The following MYBPC2 variants were observed in gnomAD, a reference collection of about 807,000 sequenced individuals.
MYBPC2 encodes the protein myosin-binding protein C, fast-type.
Under a neutral mutation model 137.0 loss-of-function variants are expected in MYBPC2, and 122 were observed. The ratio of observed to expected loss-of-function variants is 0.89; its 90% confidence interval spans 0.77 to 1.03. The LOEUF (loss-of-function observed/expected upper bound fraction) is 1.03, where lower values mean the gene tolerates loss of function less well. Ranked by LOEUF, MYBPC2 falls within the 50% of genes least tolerant of loss-of-function variation. The pLI is 0.00. For missense variants in MYBPC2, 1,500 were observed against 1,534.4 expected, an observed-to-expected ratio of 0.98 and a Z score of 0.37; for synonymous variants, 626 against 612.3, an observed-to-expected ratio of 1.02 and a Z score of -0.33.
chr19:50,456,396 C>CCTT (rs1239437859), intron 20 of MYBPC2, among the ~76,000 whole-genome samples: 1 of 148,316 alleles, frequency 6.7e-6, no homozygotes, highest in Non-Finnish European at 1.5e-5. Context: ...ATCCATCCAT[C>CCTT]CATCCATCTG....
At position 50,460,214 on chromosome 19, in the gene MYBPC2, G is replaced by A. The variant is rs1349841710; in HGVS notation, c.2931+35G>A. 14 of 1,577,898 alleles carry A rather than the reference G, an allele frequency of 8.9e-6. No homozygotes were observed. The Admixed American group carries it at 1.1e-4, about 12-fold the overall frequency. ...CAGAGGGGGAGATGGGGAAGAGCCGGTGAGGTGGGCAGAGCAGGTGCAGAT... is the reference window on the plus strand; with the variant it reads ...CAGAGGGGGAGATGGGGAAGAGCCGATGAGGTGGGCAGAGCAGGTGCAGAT... On this transcript the variant is annotated intron_variant, in intron 24 of 27. Coordinates refer to ENST00000357701, the MANE Select transcript of MYBPC2 (RefSeq NM_004533.4).
chr19:50,440,844 T>A (rs773808800), intron 7 of MYBPC2, 36 bp from the exon 8 acceptor site: 1 of 1,580,850 alleles, frequency 6.3e-7, no homozygotes, highest in African/African-American at 1.4e-5. Flanking sequence ...CCTTCCTCAC[T>A]CCCTGATGGC....
intron 20 of MYBPC2, among the ~76,000 whole-genome samples, chr19:50,458,245 G>A (rs1467149283): frequency 3.3e-5 from 5 of 150,142 alleles, no homozygotes; most frequent in African/African-American, 1.2e-4. Flanking sequence ...GGGAGGCGGA[G>A]GTTGCAGTGA....
At chr19:50,436,539 C>G in intron 4 of MYBPC2, 78 bp from the exon 5 acceptor site, 1 of 1,289,030 alleles carries the variant, frequency 7.8e-7, no homozygotes, top group South Asian at 1.3e-5. Context: ...GGAGATAGAG[C>G]TATGAGTGGA....
rs557779977 is a variant in MYBPC2 at position 50,435,876 on chromosome 19, G to A, written c.196+14G>A. The A allele has an allele frequency of 5.5e-5, 86 of 1,572,506 alleles. No homozygotes were observed. The highest frequency in any genetic ancestry group is 9.5e-5 in the African/African-American group (7 of 74,026). On this transcript the variant is annotated intron_variant, in intron 3 of 27. Transcript: ENST00000357701. This position sits in a 1 kb window ranked among gnomAD's most constrained non-coding sequence, Gnocchi z 4.8. ...CAGTGGAGACTGGTGAGGGGAACCC[G>A]GGGGAGGAGGGGCTGCGGCCCGGAC... is the stretch of plus-strand genomic sequence containing the variant.
chr19:50,453,614 C>T (rs1221505397), intron 16 of MYBPC2, among the ~76,000 whole-genome samples: 1 of 151,790 alleles, frequency 6.6e-6, no homozygotes, highest in Non-Finnish European at 1.5e-5. Context: ...TATCTTGGCT[C>T]ACCACAACCT....
chr19:50,461,313 G>A (rs1254379069), intron 24 of MYBPC2, among the ~76,000 whole-genome samples: 1 of 152,120 alleles, frequency 6.6e-6, no homozygotes, highest in East Asian at 1.9e-4. Flanking sequence ...CCCCTTCTTA[G>A]CGTTGAATGA....
chr19:50,435,834 G>A lies in MYBPC2; in HGVS notation c.168G>A (p.Lys56=), dbSNP rs2039697456. The A allele has an allele frequency of 5.6e-6, 9 of 1,606,848 alleles. No individual in the cohort carries two copies. In the East Asian group the frequency reaches 2.0e-4, roughly 36 times the overall value. Residue 56 remains lysine (K), a synonymous_variant, in exon 3 of 28, where the codon AAG becomes AAA. Transcript: ENST00000357701. This position sits in a 1 kb window ranked among gnomAD's most constrained non-coding sequence, Gnocchi z 4.8. ...AGGAGCCCACCGGCGTTTTCCTGAAGAAGCCGGACTCCGTCTCAGTGGAGA... is the reference window on the plus strand; with the variant it reads ...AGGAGCCCACCGGCGTTTTCCTGAAAAAGCCGGACTCCGTCTCAGTGGAGA... ...TAEEPTGVFL[K]KPDSVSVETG... is the part of the protein sequence containing the mutation.
At chr19:50,441,295 G>A (rs1480173501) in intron 8 of MYBPC2, among the ~76,000 whole-genome samples, 4 of 152,216 alleles carry the variant, frequency 2.6e-5, no homozygotes, top group East Asian at 1.9e-4. Flanking sequence ...GCCCACCAGT[G>A]TGCCATGTCA....
intron 11 of MYBPC2, among the ~76,000 whole-genome samples, chr19:50,444,697 G>A (rs1182268770): frequency 2.0e-5 from 3 of 151,654 alleles, no homozygotes; most frequent in Admixed American, 6.6e-5. Context: ...TGGCTAACAC[G>A]GTGAAACCCC....
chr19:50,450,728 G>T (rs1433402253), intron 13 of MYBPC2, 101 bp from the exon 14 acceptor site: 2 of 761,718 alleles, frequency 2.6e-6, no homozygotes, highest in South Asian at 1.8e-5. Flanking sequence ...AAGAATGCAG[G>T]CATGTGGACT....
chr19:50,461,002 TA>T (rs199819698), intron 24 of MYBPC2, among the ~76,000 whole-genome samples: 7 of 147,494 alleles, frequency 4.7e-5, no homozygotes, highest in East Asian at 2.0e-4. Flanking sequence ...TTATTTCTTT[TA>T]AATTTTTTTT....
chr19:50,458,002 C>T (rs746484324), intron 20 of MYBPC2, among the ~76,000 whole-genome samples: 5 of 151,472 alleles, frequency 3.3e-5, no homozygotes, highest in Non-Finnish European at 5.9e-5. Context: ...GGTTTCCCAT[C>T]CTTAACATGG....
intron 12 of MYBPC2, among the ~76,000 whole-genome samples, chr19:50,447,762 C>T (rs1195791626): frequency 6.6e-6 from 1 of 152,064 alleles, no homozygotes; most frequent in Non-Finnish European, 1.5e-5. Flanking sequence ...GAGGCTGAGG[C>T]AGGAGTATCA....
chr19:50,446,343 T>G (rs2039805771), intron 12 of MYBPC2, among the ~76,000 whole-genome samples: 1 of 151,066 alleles, frequency 6.6e-6, no homozygotes, highest in Admixed American at 6.6e-5. Flanking sequence ...AAACCCCATC[T>G]CTACTAAAAA....
intron 26 of MYBPC2, 77 bp from the exon 27 acceptor site, chr19:50,464,269 G>T (rs2039994796): frequency 7.3e-7 from 1 of 1,371,636 alleles, no homozygotes; most frequent in Non-Finnish European, 9.9e-7. Flanking sequence ...ACCCAGATCG[G>T]CTTCCTGAGC....
chr19:50,464,358 T>C lies in MYBPC2; in HGVS notation c.3241T>C (p.Trp1081Arg), dbSNP rs1408784986. Residue 1081 changes from tryptophan to arginine, a missense_variant, in exon 27 of 28, where the codon TGG becomes CGG. Coordinates refer to ENST00000357701, the MANE Select transcript of MYBPC2 (RefSeq NM_004533.4). ...VRGHPKPKVV[W>R]MKNKMEIRED... ...TGACTCTCAACAGCCGAAGGTGGTC[T>C]GGATGAAGAACAAGATGGAAATCCG... 6.2e-7 allele frequency: 1 copy of C among 1,607,204 alleles called. No individual in the cohort carries two copies. Among genetic ancestry groups the C allele is most frequent in the Admixed American group, 1.7e-5 (1 of 58,970 alleles).
At chr19:50,462,531 A>G (rs570877032) in intron 26 of MYBPC2, among the ~76,000 whole-genome samples, 1 of 151,846 alleles carries the variant, frequency 6.6e-6, no homozygotes, top group Admixed American at 6.6e-5. Context: ...CTCTGACCAG[A>G]GCCCAAGTCT....
intron 11 of MYBPC2, 50 bp downstream of exon 11, chr19:50,443,866 T>C (rs1475854515): frequency 6.5e-7 from 1 of 1,543,262 alleles, no homozygotes; most frequent in Admixed American, 1.7e-5. Context: ...ATAGTTTCTT[T>C]GCCTCTGCCT....
Sources: allele counts gnomAD v4.1 joint callset (sites outside exome capture counted in the v4.1 genomes callset), GRCh38; gene constraint gnomAD v4.1.1; non-coding constraint Gnocchi (gnomAD v3.1); transcripts MANE v1.5; gene names NCBI Gene and HGNC (gene_info 2026-07-23, HGNC 2026-07-21).